Variants in SLIT1 observed in about 807,000 individuals in gnomAD.
SLIT1 encodes slit homolog 1 protein.
SLIT1 carries 66 observed loss-of-function variants against 186.1 expected under a neutral mutation model. That is an observed-to-expected ratio of 0.35 (90% confidence interval 0.29 to 0.44). The LOEUF (loss-of-function observed/expected upper bound fraction) is 0.44, where lower values mean the gene tolerates loss of function less well. Ranked by LOEUF, SLIT1 falls within the 20% of genes least tolerant of loss-of-function variation. The probability of loss-of-function intolerance (pLI) is 1.00; values close to 1 mark genes in which losing one functional copy is unlikely to be tolerated. For missense variants in SLIT1, 1,638 were observed against 2,037.4 expected (o/e 0.80, Z 3.77); for synonymous variants, 761 against 833.8 (o/e 0.91, Z 1.50).
chr10:97,064,298 G>A, intron 6 of SLIT1, 59 bp from the exon 7 acceptor site: 1 of 1,414,540 alleles, frequency 7.1e-7, no homozygotes, highest in Non-Finnish European at 1.0e-6. Context: ...ATGTGGGACA[G>A]GGCCGCCCTG....
At chr10:97,081,358 G>A (rs185081118) in intron 4 of SLIT1, among the ~76,000 whole-genome samples, 166 of 152,310 alleles carry the variant, frequency 1.1e-3, no homozygotes, top group Non-Finnish European at 2.1e-3. Flanking sequence ...CAAGACTGAC[G>A]TCTGACTTGA....
In SLIT1 at chr10:97,011,114, C is replaced by T; in HGVS notation, c.3220G>A (p.Gly1074Ser). The stretch of plus-strand genomic sequence containing the variant: ...TCACTGCAGTTGTCACCTGCATAAC[C>T]TGGCATGCACTCACACCTAGTGGGT... The part of the protein sequence containing the change: ...PDGPRCECMP[G>S]YAGDNCSENQ... The change falls in exon 31 of 37, where the codon GGT becomes AGT. Residue 1074 changes from glycine to serine, a missense_variant. Gly to Ser is a moderately conservative substitution (Grantham distance 56). Transcript: ENST00000266058. 3 of 1,613,466 alleles carry T rather than the reference C, an allele frequency of 1.9e-6. No individual in the cohort carries two copies. The highest frequency in any genetic ancestry group is 2.5e-6 in the Non-Finnish European group (3 of 1,179,450).
chr10:97,173,674 A>G (rs569172158), intron 1 of SLIT1, among the ~76,000 whole-genome samples: 16 of 152,150 alleles, frequency 1.1e-4, no homozygotes, highest in East Asian at 3.9e-4. Flanking sequence ...TGAGGCCCCA[A>G]TGGGTACAGC....
intron 4 of SLIT1, among the ~76,000 whole-genome samples, chr10:97,107,844 C>T (rs1849428888): frequency 6.6e-6 from 1 of 152,048 alleles, no homozygotes; most frequent in Admixed American, 6.5e-5. Context: ...CAGAGAGGTG[C>T]CACTCCCACT....
rs774364598 is a variant in SLIT1 at position 97,034,531 on chromosome 10, T to C, written c.2378A>G (p.Asn793Ser). The C allele has an allele frequency of 6.2e-6, 10 of 1,613,360 alleles. No homozygotes were observed. The South Asian group carries it at 8.8e-5, about 14-fold the overall frequency. The change falls in exon 23 of 37, where the codon AAC becomes AGC. Residue 793 changes from asparagine to serine, a missense_variant. By Grantham distance (46) the Asn-to-Ser change is conservative (BLOSUM62 1). Around this residue, in one of 3 missense-constraint regions of SLIT1, gnomAD observed 1,245 missense variants for 1,535.3 expected, o/e 0.81. Coordinates refer to ENST00000266058, the MANE Select transcript of SLIT1 (RefSeq NM_003061.3). ...FKYLQLVDLSNNKISSLSNSS... is the reference protein window; with the variant it reads ...FKYLQLVDLSSNKISSLSNSS... ...ATTGCTTAAGGAACTGATCTTGTTGTTGCTCAGGTCCCTGGAAAAGGCAAA... is the reference window on the plus strand; with the variant it reads ...ATTGCTTAAGGAACTGATCTTGTTGCTGCTCAGGTCCCTGGAAAAGGCAAA...
Position 97,060,670 on chromosome 10 carries a change from G to A in SLIT1, c.911C>T (p.Pro304Leu), listed in dbSNP as rs1179390198. The change falls in exon 9 of 37, where the codon CCG becomes CTG. Residue 304 changes from proline to leucine, a missense_variant. By Grantham distance (98) the Pro-to-Leu change is moderately conservative (BLOSUM62 -3). Coordinates refer to ENST00000266058, the MANE Select transcript of SLIT1 (RefSeq NM_003061.3). ...DCRGKGLTAI[P>L]ANLPETMTEI... ...CGTCATGGTCTCGGGCAGGTTGGCCGGGATGGCAGTGAGGCCTTTTCCACG... is the reference window on the plus strand; with the variant it reads ...CGTCATGGTCTCGGGCAGGTTGGCCAGGATGGCAGTGAGGCCTTTTCCACG... 5 of 1,613,406 alleles carry A rather than the reference G, an allele frequency of 3.1e-6. No homozygotes were observed. Among genetic ancestry groups the A allele is most frequent in the East Asian group, 2.2e-5 (1 of 44,884 alleles).
chr10:97,084,328 T>C (rs1481303105), intron 4 of SLIT1, among the ~76,000 whole-genome samples: 1 of 152,150 alleles, frequency 6.6e-6, no homozygotes, highest in Non-Finnish European at 1.5e-5. Flanking sequence ...CCTCATTCTC[T>C]CCATCCCTAG....
intron 4 of SLIT1, among the ~76,000 whole-genome samples, chr10:97,124,301 A>AAGCCTT (rs559868609): frequency 1.5e-3 from 230 of 152,338 alleles, no homozygotes; most frequent in African/African-American, 5.3e-3. Context: ...GAAGACTATG[A>AAGCCTT]AGCCTTTGGA....
intron 11 of SLIT1, among the ~76,000 whole-genome samples, chr10:97,059,014 C>T (rs1471162592): frequency 6.6e-6 from 1 of 152,236 alleles, no homozygotes; most frequent in Non-Finnish European, 1.5e-5. Context: ...GGATTCATTA[C>T]ATTTGGGATA....
intron 4 of SLIT1, among the ~76,000 whole-genome samples, chr10:97,109,510 G>T (rs752682744): frequency 6.6e-6 from 1 of 152,136 alleles, no homozygotes; most frequent in South Asian, 2.1e-4. Context: ...CTTTCCCAGC[G>T]AGAAGCTGTG....
At chr10:97,046,179 G>C (rs963081014) in intron 18 of SLIT1, among the ~76,000 whole-genome samples, 1 of 152,198 alleles carries the variant, frequency 6.6e-6, no homozygotes, top group Non-Finnish European at 1.5e-5. Flanking sequence ...ATGACCCCAG[G>C]ATCCCACTGA....
intron 22 of SLIT1, among the ~76,000 whole-genome samples, chr10:97,037,414 C>G (rs1453188695): frequency 1.3e-5 from 2 of 152,016 alleles, no homozygotes; most frequent in African/African-American, 4.8e-5. Context: ...CAGGATAACC[C>G]TTTTAACAGT....
chr10:97,056,298 G>T, intron 13 of SLIT1, 23 bp downstream of exon 13: 1 of 1,613,080 alleles, frequency 6.2e-7, no homozygotes, highest in South Asian at 1.1e-5. Flanking sequence ...GAGGGGAGAA[G>T]AAGAAGGCAT....
At chr10:97,023,799 C>T (rs968183215) in intron 25 of SLIT1, among the ~76,000 whole-genome samples, 1 of 152,058 alleles carries the variant, frequency 6.6e-6, no homozygotes, top group East Asian at 1.9e-4. Flanking sequence ...AAAAATTAGC[C>T]GGGTGTGGTG....
At position 97,001,023 on chromosome 10, in the gene SLIT1, G is replaced by T; in HGVS notation, c.*89C>A. 1 of 1,072,340 alleles carries T rather than the reference G, an allele frequency of 9.3e-7. No homozygotes were observed. The highest frequency in any genetic ancestry group is 1.4e-6 in the Non-Finnish European group (1 of 719,250). 66.4% of individuals were successfully genotyped at this position (1,072,340 alleles called of 1,614,324 possible). A position where few individuals can be genotyped will look rare whatever the true frequency, so the allele number is the denominator to read the frequency against. On this transcript the variant is annotated 3_prime_UTR_variant, in exon 37 of 37. Coordinates refer to ENST00000266058, the MANE Select transcript of SLIT1 (RefSeq NM_003061.3). ...CCCAGGAGCCGTCCTGTGATGACCTGCACCCCAGCCCAGCTGCTGGCGACT... is the reference window on the plus strand; with the variant it reads ...CCCAGGAGCCGTCCTGTGATGACCTTCACCCCAGCCCAGCTGCTGGCGACT...
In SLIT1 at chr10:97,021,140, ACCCCCCG is replaced by A; in HGVS notation, c.2746+103_2746+109del. On this transcript the variant is annotated intron_variant, in intron 26 of 36. Transcript: ENST00000266058. The surrounding 1 kb of genome is among the most constrained non-coding windows in gnomAD (Gnocchi z 4.5). ...GCAGGTGCCTTGTTCCTGTCCCCTGACCCCCCGCCCAGCGGTCACCACAGGGACGCAG... is the reference window on the plus strand; with the variant it reads ...GCAGGTGCCTTGTTCCTGTCCCCTGACCCAGCGGTCACCACAGGGACGCAG... 7 of 1,067,002 alleles carry A rather than the reference ACCCCCCG, an allele frequency of 6.6e-6. No individual in the cohort carries two copies. The highest frequency in any genetic ancestry group is 9.3e-6 in the Non-Finnish European group (7 of 752,192). 66.1% of individuals were successfully genotyped at this position (1,067,002 alleles called of 1,614,324 possible).
In SLIT1 at chr10:97,157,796, C is replaced by G. The variant is rs757945780; in HGVS notation, c.413+22G>C. The G allele has an allele frequency of 1.1e-5, 17 of 1,598,244 alleles. No homozygotes were observed. The South Asian group carries it at 1.9e-4, about 18-fold the overall frequency. ...GAGACAAAACCACAGGGAGAACTCT[C>G]TGGCCACAGAGCGTCACTCACAGTC... is the stretch of plus-strand genomic sequence containing the variant. On this transcript the variant is annotated intron_variant, in intron 4 of 36. Transcript: ENST00000266058.
intron 22 of SLIT1, among the ~76,000 whole-genome samples, chr10:97,036,360 C>G (rs896588889): frequency 2.6e-5 from 4 of 152,300 alleles, no homozygotes; most frequent in Non-Finnish European, 5.9e-5. Context: ...TACTCCATCC[C>G]TTCTCCACCC....
At chr10:97,081,274 G>A (rs886728542) in intron 4 of SLIT1, among the ~76,000 whole-genome samples, 3 of 152,186 alleles carry the variant, frequency 2.0e-5, no homozygotes, top group African/African-American at 7.2e-5. Context: ...AGTGACCAGG[G>A]CAGAGGGGCT....
Sources: allele counts gnomAD v4.1 joint callset (sites outside exome capture counted in the v4.1 genomes callset), GRCh38; gene constraint gnomAD v4.1.1; regional missense constraint gnomAD v4.1.1; non-coding constraint Gnocchi (gnomAD v3.1); transcripts MANE v1.5; gene names NCBI Gene and HGNC (gene_info 2026-07-23, HGNC 2026-07-21).